The following PDXDC1 variants were observed in gnomAD, a reference collection of about 807,000 sequenced individuals.
The protein encoded by PDXDC1 is pyridoxal dependent decarboxylase domain containing 1.
In PDXDC1, 42 loss-of-function variants were observed where a neutral mutation model predicts 100.1. That is an observed-to-expected ratio of 0.42 (90% CI 0.33 to 0.54). The LOEUF (loss-of-function observed/expected upper bound fraction) is 0.54. Ranked by LOEUF, PDXDC1 falls within the 20% of genes least tolerant of loss-of-function variation. PDXDC1 has a pLI of 0.10. For missense variants in PDXDC1, 636 were observed against 979.2 expected (o/e 0.65, Z 4.68); for synonymous variants, 260 against 371.7 (o/e 0.70, Z 3.46).
chr16:15,046,504 C>T (rs538246542), intron 16 of PDXDC1, among the ~76,000 whole-genome samples: 8 of 152,162 alleles, frequency 5.3e-5, no homozygotes, highest in African/African-American at 1.7e-4. Flanking sequence ...ATGGAGGCAG[C>T]GGCTACTTTA....
chr16:15,076,602 G>T (rs1253545808), intron 16 of PDXDC1: 1 of 1,613,448 alleles, frequency 6.2e-7, no homozygotes, highest in Admixed American at 1.7e-5. Context: ...CCACAAGTTT[G>T]AGTTGCTGTT....
chr16:15,125,425 C>G (rs2047655820), intron 16 of PDXDC1: 1 of 832,126 alleles, frequency 1.2e-6, no homozygotes, highest in Admixed American at 1.7e-5. Flanking sequence ...CCGAGCAAAC[C>G]TGCTCCCACG....
At chr16:14,981,380 A>G (rs1967943415) in intron 1 of PDXDC1, among the ~76,000 whole-genome samples, 1 of 152,298 alleles carries the variant, frequency 6.6e-6, no homozygotes, top group Non-Finnish European at 1.5e-5. Flanking sequence ...TTTTCCTCCC[A>G]GGCAAAAACA....
intron 16 of PDXDC1, among the ~76,000 whole-genome samples, chr16:15,053,852 CA>C (rs2044391916): frequency 6.6e-6 from 1 of 152,182 alleles, no homozygotes; most frequent in African/African-American, 2.4e-5. Context: ...ACAGAGGTTG[CA>C]GTGAGCCGAG....
downstream of PDXDC1, among the ~76,000 whole-genome samples, chr16:15,143,286 AG>A: frequency 6.6e-6 from 1 of 152,208 alleles, no homozygotes; most frequent in East Asian, 1.9e-4. Flanking sequence ...ACCCCTTCCC[AG>A]CACCCTTGCC....
intron 15 of PDXDC1, 86 bp downstream of exon 15, chr16:15,029,052 A>G (rs1385133147): frequency 2.7e-6 from 4 of 1,460,254 alleles, no homozygotes; most frequent in East Asian, 5.0e-5. Flanking sequence ...GTGCTCGTGT[A>G]TGGGAACTGA....
chr16:15,012,956 G>A (rs1398258732), intron 8 of PDXDC1, among the ~76,000 whole-genome samples: 2 of 152,268 alleles, frequency 1.3e-5, no homozygotes, highest in Non-Finnish European at 2.9e-5. Context: ...CAGATTACGA[G>A]GTCAGGAGAT....
At chr16:15,096,871 G>A (rs1284097773) in intron 16 of PDXDC1, among the ~76,000 whole-genome samples, 2 of 152,114 alleles carry the variant, frequency 1.3e-5, no homozygotes, top group Admixed American at 6.6e-5. Context: ...GTCTCACTTT[G>A]TTGCCCAGGC....
intron 3 of PDXDC1, among the ~76,000 whole-genome samples, chr16:14,999,566 T>G (rs1972719777): frequency 6.6e-6 from 1 of 152,232 alleles, no homozygotes; most frequent in Admixed American, 6.5e-5. Flanking sequence ...GATATACAAA[T>G]TCATCATTAT....
chr16:15,033,243 C>G (rs768373636), intron 18 of PDXDC1, 35 bp from the exon 19 acceptor site: 15 of 1,612,616 alleles, frequency 9.3e-6, no homozygotes, highest in Non-Finnish European at 1.3e-5. Context: ...TGACAGAGGA[C>G]TGAGAAACTC....
intron 4 of PDXDC1, 22 bp from the exon 5 acceptor site, chr16:15,004,165 A>G (rs764314884): frequency 1.9e-6 from 3 of 1,606,026 alleles, no homozygotes; most frequent in Non-Finnish European, 2.6e-6. Flanking sequence ...TTTGACTCTA[A>G]TACTTTAATT....
downstream of PDXDC1, among the ~76,000 whole-genome samples, chr16:15,143,755 A>G (rs1266780275): frequency 6.6e-6 from 1 of 152,166 alleles, no homozygotes. Context: ...TCCACAACAG[A>G]GGGAATGGCC....
At chr16:15,047,323 G>C (rs559421619) in intron 16 of PDXDC1, 2 of 713,970 alleles carry the variant, frequency 2.8e-6, no homozygotes, top group Non-Finnish European at 2.5e-6. Context: ...TGTTCCAGGG[G>C]AACGAGGCAG....
intron 16 of PDXDC1, among the ~76,000 whole-genome samples, chr16:15,124,999 T>G (rs2047627496): frequency 1.3e-5 from 2 of 149,096 alleles, no homozygotes; most frequent in Non-Finnish European, 3.0e-5. Context: ...ATACAAAAAT[T>G]AGCCAGGCAT....
Position 15,102,020 on chromosome 16 carries a change from G to T in PDXDC1, c.1400-36859G>T, listed in dbSNP as rs1567246605. ...CGTGCCACCATGCCTGGCTAATTTT[G>T]TATTTTTGGTAGAGACAGGGTTTCG... On this transcript the variant is annotated intron_variant, in intron 16 of 16. Transcript: ENST00000535621. 2.0e-5 allele frequency among the ~76,000 whole-genome samples: 3 copies of T among 152,140 alleles called. 1 individual carries two copies. The highest frequency in any genetic ancestry group is 4.1e-4 in the South Asian group (2 of 4,824).
At chr16:15,093,187 T>G (rs2046208237) in intron 16 of PDXDC1, among the ~76,000 whole-genome samples, 1 of 152,170 alleles carries the variant, frequency 6.6e-6, no homozygotes, top group Non-Finnish European at 1.5e-5. Context: ...GTATTTTCAG[T>G]AGAGACGAGG....
chr16:14,995,208 C>T (rs551077042), intron 1 of PDXDC1, among the ~76,000 whole-genome samples: 3 of 152,400 alleles, frequency 2.0e-5, no homozygotes, highest in African/African-American at 7.2e-5. Context: ...GAGGGCATCC[C>T]TGTCTTGTGC....
At chr16:15,055,159 G>A (rs181053433) in intron 16 of PDXDC1, among the ~76,000 whole-genome samples, 284 of 152,262 alleles carry the variant, frequency 1.9e-3, no homozygotes, top group Non-Finnish European at 3.0e-3. Context: ...TGGCAAATAG[G>A]ACGTCTGCCC....
chr16:15,030,127 A>G, intron 16 of PDXDC1, 71 bp downstream of exon 16: 2 of 1,284,676 alleles, frequency 1.6e-6, no homozygotes, highest in South Asian at 1.3e-5. Context: ...TGCCCTTATG[A>G]TACTCCATTC....
Sources: allele counts gnomAD v4.1 joint callset (sites outside exome capture counted in the v4.1 genomes callset), GRCh38; gene constraint gnomAD v4.1.1; transcripts MANE v1.5; gene names NCBI Gene and HGNC (gene_info 2026-07-23, HGNC 2026-07-21).